LRP1B: variants seen among roughly 807,000 people sequenced by gnomAD.
LRP1B encodes the protein LDL receptor related protein 1B, also known as low-density lipoprotein receptor-related protein 1B.
LRP1B carries 217 observed loss-of-function variants against 556.6 expected under a neutral mutation model. The ratio of observed to expected loss-of-function variants is 0.39; its 90% CI spans 0.35 to 0.44. LRP1B has a LOEUF of 0.44. Ranked by LOEUF, LRP1B falls within the 20% of genes least tolerant of loss-of-function variation. LRP1B has a pLI of 1.00. For missense variants in LRP1B, 5,053 were observed against 5,620.8 expected (o/e 0.90, Z 3.23); for synonymous variants, 2,047 against 1,865.8 (o/e 1.10, Z -2.50).
intron 1 of LRP1B, among the ~76,000 whole-genome samples, chr2:141,986,476 T>C (rs1448710761): frequency 6.6e-6 from 1 of 151,954 alleles, no homozygotes; most frequent in African/African-American, 2.4e-5. Context: ...TCTGCCAGGC[T>C]ATTTTTTTTC....
chr2:141,298,075 C>T (rs1343803580), intron 3 of LRP1B, among the ~76,000 whole-genome samples: 2 of 152,126 alleles, frequency 1.3e-5, no homozygotes, highest in Non-Finnish European at 2.9e-5. Context: ...CTTTATGATG[C>T]TCCCTCAATA....
At chr2:141,363,302 T>C (rs1688903528) in intron 3 of LRP1B, among the ~76,000 whole-genome samples, 1 of 152,224 alleles carries the variant, frequency 6.6e-6, no homozygotes. Flanking sequence ...AGAAACAACT[T>C]TCTAAGCTGA....
intron 13 of LRP1B, 123 bp downstream of exon 13, chr2:141,015,573 G>T: frequency 1.3e-6 from 1 of 762,548 alleles, no homozygotes. Flanking sequence ...CCACCCCATG[G>T]AGACTATTGG....
At chr2:141,816,322 G>C (rs1307454428) in intron 1 of LRP1B, among the ~76,000 whole-genome samples, 1 of 152,138 alleles carries the variant, frequency 6.6e-6, no homozygotes, top group African/African-American at 2.4e-5. Context: ...GTCTAGGTGG[G>C]CACCATCTAA....
At chr2:140,638,038 T>G (rs1684132098) in intron 41 of LRP1B, among the ~76,000 whole-genome samples, 1 of 152,198 alleles carries the variant, frequency 6.6e-6, no homozygotes, top group Non-Finnish European at 1.5e-5. Context: ...GATATTATAG[T>G]TTTAAAACAT....
intron 41 of LRP1B, among the ~76,000 whole-genome samples, chr2:140,624,851 G>A (rs1433632543): frequency 9.2e-5 from 14 of 152,274 alleles, no homozygotes; most frequent in Admixed American, 9.2e-4. Flanking sequence ...AATCACAAAA[G>A]GCCTGTCTTA....
chr2:141,630,287 A>G (rs355593), intron 2 of LRP1B, among the ~76,000 whole-genome samples: 6,488 of 152,290 alleles, frequency 0.043, 483 homozygotes, highest in African/African-American at 0.15. Context: ...AGAATGAAAC[A>G]GCTGGAAAAA....
At chr2:141,215,854 T>A (rs1012313267) in intron 6 of LRP1B, among the ~76,000 whole-genome samples, 1 of 152,192 alleles carries the variant, frequency 6.6e-6, no homozygotes, top group Non-Finnish European at 1.5e-5. Flanking sequence ...GGAATTTGTA[T>A]TTAAACAGGA....
At chr2:141,208,876 C>CAAAAAAAAAA (rs57659094) in intron 6 of LRP1B, among the ~76,000 whole-genome samples, 2 of 65,462 alleles carry the variant, frequency 3.1e-5, no homozygotes, top group African/African-American at 5.9e-5. Context: ...GATTCCGTCT[C>CAAAAAAAAAA]AAAAAAAAAA....
chr2:140,484,175 A>G (rs1403234499), intron 59 of LRP1B, among the ~76,000 whole-genome samples: 2 of 152,180 alleles, frequency 1.3e-5, no homozygotes, highest in Non-Finnish European at 2.9e-5. Flanking sequence ...TTACATAATT[A>G]TATAGTGAAA....
chr2:142,017,901 T>C (rs918249251), intron 1 of LRP1B, among the ~76,000 whole-genome samples: 1 of 151,918 alleles, frequency 6.6e-6, no homozygotes, highest in Non-Finnish European at 1.5e-5. Context: ...TTGTAAATTG[T>C]TCAGTGTGAA....
intron 89 of LRP1B, among the ~76,000 whole-genome samples, chr2:140,235,689 C>T (rs1278643772): frequency 6.6e-6 from 1 of 150,928 alleles, no homozygotes; most frequent in Non-Finnish European, 1.5e-5. Flanking sequence ...TTTGGGGGCA[C>T]TGAAACATAG....
chr2:141,113,577 T>A (rs1035716954), intron 7 of LRP1B, among the ~76,000 whole-genome samples: 1 of 152,174 alleles, frequency 6.6e-6, no homozygotes, highest in Non-Finnish European at 1.5e-5. Context: ...CATTTTTTTT[T>A]AAGTTCTAGT....
intron 45 of LRP1B, among the ~76,000 whole-genome samples, 157 bp downstream of exon 45, chr2:140,540,816 C>T (rs183805796): frequency 2.0e-5 from 3 of 152,164 alleles, no homozygotes; most frequent in Admixed American, 6.6e-5. Flanking sequence ...CTAAGCAGAA[C>T]AGTGAACTCG....
intron 37 of LRP1B, among the ~76,000 whole-genome samples, chr2:140,706,364 T>C (rs1308183412): frequency 6.6e-6 from 1 of 152,152 alleles, no homozygotes; most frequent in African/African-American, 2.4e-5. Context: ...TTCTGAAATC[T>C]AGAAAATATT....
At chr2:141,173,618 T>C (rs1680603428) in intron 7 of LRP1B, among the ~76,000 whole-genome samples, 1 of 152,116 alleles carries the variant, frequency 6.6e-6, no homozygotes, top group Non-Finnish European at 1.5e-5. Flanking sequence ...TTCTCACTTG[T>C]TCCTCCTGCA....
intron 7 of LRP1B, among the ~76,000 whole-genome samples, chr2:141,124,677 A>AG (rs1553463452): frequency 6.6e-6 from 1 of 151,104 alleles, no homozygotes; most frequent in African/African-American, 2.4e-5. Flanking sequence ...AAAAAAAAAA[A>AG]AAAGAAAAAA....
chr2:141,470,783 CAGTT>C (rs1682432644), intron 3 of LRP1B, among the ~76,000 whole-genome samples: 4 of 152,090 alleles, frequency 2.6e-5, no homozygotes, highest in Admixed American at 6.6e-5. Flanking sequence ...AGCTGAGTGA[CAGTT>C]TGTTATAATT....
chr2:141,306,746 T>G (rs1307989473), intron 3 of LRP1B, among the ~76,000 whole-genome samples: 1 of 152,100 alleles, frequency 6.6e-6, no homozygotes, highest in Non-Finnish European at 1.5e-5. Flanking sequence ...ATGTAGGCAT[T>G]TATTGCTATA....
Sources: gnomAD v4.1 joint callset for allele counts (sites outside exome capture counted in the v4.1 genomes callset) on GRCh38, gnomAD v4.1.1 for gene constraint, MANE v1.5 for transcripts, NCBI Gene and HGNC (gene_info 2026-07-23, HGNC 2026-07-21) for gene names.